AGTPBP1: variants seen among roughly 807,000 people sequenced by gnomAD.
The protein encoded by AGTPBP1 is ATP/GTP binding carboxypeptidase 1.
Under a neutral mutation model 143.9 loss-of-function variants are expected in AGTPBP1, and 70 were observed. The observed-to-expected ratio is 0.49, with a 90% CI of 0.40 to 0.59. The LOEUF is 0.59. Ranked by LOEUF, AGTPBP1 falls within the 20% of genes least tolerant of loss-of-function variation. The pLI is 0.00. For missense variants in AGTPBP1, 1,229 were observed against 1,464.5 expected (o/e 0.84, Z 2.62); for synonymous variants, 463 against 500.2 (o/e 0.93, Z 0.99).
Position 85,602,509 on chromosome 9 carries a change from T to C in AGTPBP1, c.2336-6060A>G, listed in dbSNP as rs534460125. ...AGCCTACATGACATATGGCACACCA[T>C]AAAGCAAACACATATTCAATTTTTT... On this transcript the variant is annotated intron_variant, in intron 17 of 25. Coordinates refer to ENST00000357081, the MANE Select transcript of AGTPBP1 (RefSeq NM_001330701.2). 8.5e-5 allele frequency among the ~76,000 whole-genome samples: 13 copies of C among 152,170 alleles called. No individual in the cohort carries two copies. In the South Asian group the frequency reaches 1.2e-3, roughly 15 times the overall value.
chr9:85,600,943 G>T (rs1338362743), intron 17 of AGTPBP1, among the ~76,000 whole-genome samples: 1 of 152,144 alleles, frequency 6.6e-6, no homozygotes, highest in African/African-American at 2.4e-5. Context: ...GCATTTGCAC[G>T]TGCCCAGAGG....
intron 19 of AGTPBP1, 75 bp from the exon 20 acceptor site, chr9:85,589,756 A>G (rs993787031): frequency 6.0e-6 from 8 of 1,343,962 alleles, no homozygotes; most frequent in Admixed American, 2.4e-5. Context: ...ATGCATCCAG[A>G]TCTCCACATA....
At chr9:85,755,209 C>G in the AGTPBP1 span, among the ~76,000 whole-genome samples, 2 of 151,910 alleles carry the variant, frequency 1.3e-5, no homozygotes, top group Non-Finnish European at 2.9e-5. Context: ...TTCCAGAAAC[C>G]CTTTCTATAA....
intron 25 of AGTPBP1, among the ~76,000 whole-genome samples, chr9:85,559,467 G>A (rs1279660218): frequency 6.7e-6 from 1 of 149,970 alleles, no homozygotes; most frequent in Non-Finnish European, 1.5e-5. Context: ...TTTTTTTAAG[G>A]ATAAATTCAT....
chr9:85,758,532 G>A, the AGTPBP1 span, among the ~76,000 whole-genome samples: 1 of 151,888 alleles, frequency 6.6e-6, no homozygotes, highest in Admixed American at 6.6e-5. Context: ...GTAATCCCAG[G>A]TACTTGGGAG....
At chr9:85,555,266 A>C (rs1051923915) in intron 25 of AGTPBP1, among the ~76,000 whole-genome samples, 2 of 152,170 alleles carry the variant, frequency 1.3e-5, no homozygotes, top group Non-Finnish European at 2.9e-5. Flanking sequence ...AAAAACCTAA[A>C]AGCATCCAGA....
chr9:85,634,056 G>T (rs1017955975), intron 13 of AGTPBP1, among the ~76,000 whole-genome samples: 3 of 151,698 alleles, frequency 2.0e-5, no homozygotes, highest in African/African-American at 7.3e-5. Context: ...GCTGGGCATG[G>T]TGGTGGTGGA....
At chr9:85,581,755 C>T (rs1294153502) in intron 23 of AGTPBP1, among the ~76,000 whole-genome samples, 1 of 152,168 alleles carries the variant, frequency 6.6e-6, no homozygotes, top group East Asian at 1.9e-4. Flanking sequence ...CTATGACGTT[C>T]ACCTTATTGG....
chr9:85,601,198 G>C (rs1362846018), intron 17 of AGTPBP1, among the ~76,000 whole-genome samples: 1 of 152,192 alleles, frequency 6.6e-6, no homozygotes, highest in Admixed American at 6.5e-5. Flanking sequence ...TAGCAGCAGG[G>C]CTGAGGTGCA....
chr9:85,756,319 A>T, the AGTPBP1 span: 1 of 1,423,546 alleles, frequency 7.0e-7, no homozygotes, highest in Non-Finnish European at 9.2e-7. Context: ...GGATGGCTAT[A>T]ATCAGAAAAA....
the AGTPBP1 span, among the ~76,000 whole-genome samples, chr9:85,793,934 G>T: frequency 6.6e-6 from 1 of 151,964 alleles, no homozygotes; most frequent in African/African-American, 2.4e-5. Flanking sequence ...ATTTCTACAG[G>T]CTTTTAATTT....
the AGTPBP1 span, among the ~76,000 whole-genome samples, chr9:85,767,148 CTT>C: frequency 3.2e-3 from 433 of 134,990 alleles, no homozygotes; most frequent in South Asian, 0.011. Flanking sequence ...ATCTTTTAAA[CTT>C]TTAATTTCTC....
At chr9:85,804,416 A>C in the AGTPBP1 span, among the ~76,000 whole-genome samples, 2 of 152,260 alleles carry the variant, frequency 1.3e-5, no homozygotes, top group African/African-American at 4.8e-5. Context: ...TCCCCAAGAC[A>C]GATATACACG....
At chr9:85,679,407 CT>C (rs373540921) in intron 4 of AGTPBP1, among the ~76,000 whole-genome samples, 8 of 151,302 alleles carry the variant, frequency 5.3e-5, no homozygotes, top group African/African-American at 1.7e-4. Context: ...TGAAGAAGTT[CT>C]TTTTTTTCTT....
At chr9:85,770,759 A>C in the AGTPBP1 span, among the ~76,000 whole-genome samples, 1 of 152,042 alleles carries the variant, frequency 6.6e-6, no homozygotes, top group Non-Finnish European at 1.5e-5. Context: ...AAAACCAAAG[A>C]ATTTAAGTTA....
chr9:85,704,868 A>T (rs1299691914), intron 2 of AGTPBP1, among the ~76,000 whole-genome samples: 1 of 152,234 alleles, frequency 6.6e-6, no homozygotes, highest in Non-Finnish European at 1.5e-5. Context: ...CACTTAAAAA[A>T]TATTAAAAAG....
the AGTPBP1 span, among the ~76,000 whole-genome samples, chr9:85,776,083 A>G: frequency 2.6e-5 from 4 of 152,220 alleles, no homozygotes; most frequent in African/African-American, 9.7e-5. Flanking sequence ...TACACCTAAC[A>G]TAATACAACT....
At chr9:85,784,668 C>T in the AGTPBP1 span, among the ~76,000 whole-genome samples, 15 of 152,224 alleles carry the variant, frequency 9.9e-5, 1 homozygote, top group South Asian at 1.7e-3. Context: ...GTTCCATGTA[C>T]GAGGATCTAG....
chr9:85,741,209 C>A, intron 1 of AGTPBP1: 1 of 985,310 alleles, frequency 1.0e-6, no homozygotes, highest in Non-Finnish European at 1.2e-6. Flanking sequence ...AGACACACTT[C>A]AGCTCAAACC....
Sources: allele counts gnomAD v4.1 joint callset (sites outside exome capture counted in the v4.1 genomes callset), GRCh38; gene constraint gnomAD v4.1.1; transcripts MANE v1.5; gene names NCBI Gene and HGNC (gene_info 2026-07-23, HGNC 2026-07-21).